Variants in MCUB observed in about 807,000 individuals in gnomAD.
MCUB encodes the protein calcium uniporter regulatory subunit MCUb, mitochondrial.
In MCUB, 46 loss-of-function variants were observed where a neutral mutation model predicts 41.4. That is an observed-to-expected ratio of 1.11 (90% CI 0.88 to 1.42). The LOEUF is 1.42. MCUB is among the 40% of genes most tolerant of loss of function. MCUB has a pLI of 0.00. For synonymous variants in MCUB, 148 were observed against 148.2 expected (o/e 1.00, Z 0.01); for missense variants, 403 against 404.9 (o/e 1.00, Z 0.04).
At chr4:109,603,627 C>T (rs796377664) in intron 1 of MCUB, among the ~76,000 whole-genome samples, 14 of 151,368 alleles carry the variant, frequency 9.2e-5, no homozygotes, top group African/African-American at 2.9e-4. Flanking sequence ...CGCCTCTGCC[C>T]GGCCACCACC....
At chr4:109,606,372 G>A (rs1032710446) in intron 1 of MCUB, among the ~76,000 whole-genome samples, 5 of 151,964 alleles carry the variant, frequency 3.3e-5, no homozygotes, top group Non-Finnish European at 7.4e-5. Context: ...GATAAGTAAG[G>A]ACCTACTCCT....
chr4:109,597,739 C>A (rs1288471053), intron 1 of MCUB, among the ~76,000 whole-genome samples: 2 of 144,696 alleles, frequency 1.4e-5, no homozygotes, highest in Non-Finnish European at 3.0e-5. Flanking sequence ...GGGGCTGACC[C>A]CCCCACCTCC....
chr4:109,598,707 C>T (rs1157295904), intron 1 of MCUB, among the ~76,000 whole-genome samples: 1 of 152,088 alleles, frequency 6.6e-6, no homozygotes, highest in Admixed American at 6.6e-5. Context: ...TTTCTTATTG[C>T]TGGTGAGGCC....
intron 1 of MCUB, among the ~76,000 whole-genome samples, chr4:109,654,785 A>G (rs1321512900): frequency 6.6e-6 from 1 of 152,204 alleles, no homozygotes; most frequent in African/African-American, 2.4e-5. Flanking sequence ...CATAATGCTC[A>G]TATGGGTTAC....
At chr4:109,634,249 G>A (rs1561234816) in intron 1 of MCUB, among the ~76,000 whole-genome samples, 1 of 151,930 alleles carries the variant, frequency 6.6e-6, no homozygotes, top group African/African-American at 2.4e-5. Flanking sequence ...TGGGGAGGCC[G>A]AGGTGGGTGG....
At chr4:109,615,570 G>A (rs1367648438) in intron 1 of MCUB, among the ~76,000 whole-genome samples, 1 of 151,764 alleles carries the variant, frequency 6.6e-6, no homozygotes, top group Non-Finnish European at 1.5e-5. Flanking sequence ...CCTACGCCCG[G>A]CTAATTTTTT....
intron 1 of MCUB, among the ~76,000 whole-genome samples, chr4:109,571,020 C>T (rs1192277033): frequency 1.3e-5 from 2 of 152,166 alleles, no homozygotes; most frequent in African/African-American, 4.8e-5. Flanking sequence ...TAGTGAGTTG[C>T]ATTTCCTATG....
chr4:109,654,639 C>G (rs1729048626), intron 1 of MCUB, among the ~76,000 whole-genome samples: 1 of 152,032 alleles, frequency 6.6e-6, no homozygotes, highest in African/African-American at 2.4e-5. Flanking sequence ...AATCATAGAT[C>G]AAGTTCTGAA....
intron 1 of MCUB, among the ~76,000 whole-genome samples, chr4:109,615,626 G>A (rs193180828): frequency 3.3e-5 from 5 of 152,008 alleles, no homozygotes; most frequent in Admixed American, 2.6e-4. Context: ...AGCCAGGATG[G>A]TCTCGAACTC....
At chr4:109,666,887 A>G (rs1729357573) in intron 4 of MCUB, among the ~76,000 whole-genome samples, 1 of 152,148 alleles carries the variant, frequency 6.6e-6, no homozygotes, top group Non-Finnish European at 1.5e-5. Flanking sequence ...GATATGATGG[A>G]TTACATGAAT....
intron 1 of MCUB, among the ~76,000 whole-genome samples, chr4:109,612,973 G>A (rs1282169795): frequency 3.3e-5 from 5 of 152,056 alleles, no homozygotes; most frequent in Non-Finnish European, 5.9e-5. Context: ...GGGTGTGGTG[G>A]CGGGCGTCTG....
At chr4:109,598,566 G>T (rs1214580262) in intron 1 of MCUB, among the ~76,000 whole-genome samples, 9 of 152,164 alleles carry the variant, frequency 5.9e-5, no homozygotes, top group African/African-American at 2.2e-4. Flanking sequence ...GCTTCGGCTG[G>T]GCATGAGAGG....
In MCUB at chr4:109,601,265, C is replaced by T. The variant is rs557215339; in HGVS notation, c.99+40829C>T. ...AAGCATTGATTCTTTGTGTTATAAA[C>T]AACCCAGTTATACTCTTTTAAATTA... On this transcript the variant is annotated intron_variant, in intron 1 of 7. Transcript: ENST00000394650. Among the ~76,000 whole-genome samples, 45 of 152,208 alleles carry T rather than the reference C, an allele frequency of 3.0e-4. No individual in the cohort carries two copies. In the East Asian group the frequency reaches 3.7e-3, roughly 12 times the overall value.
chr4:109,578,762 TC>T (rs1727095616), intron 1 of MCUB, among the ~76,000 whole-genome samples: 1 of 152,126 alleles, frequency 6.6e-6, no homozygotes. Flanking sequence ...TGCCTCGGCC[TC>T]CCAAAGAATC....
chr4:109,594,599 C>CCGGG (rs1727514052), intron 1 of MCUB, among the ~76,000 whole-genome samples: 1 of 151,898 alleles, frequency 6.6e-6, no homozygotes, highest in Non-Finnish European at 1.5e-5. Flanking sequence ...GCGGAGGTTG[C>CCGGG]AGTGAGCCAA....
At chr4:109,598,590 CAGA>C (rs1167567005) in intron 1 of MCUB, among the ~76,000 whole-genome samples, 1 of 134,458 alleles carries the variant, frequency 7.4e-6, no homozygotes, top group Non-Finnish European at 1.8e-5. Flanking sequence ...ACCGTGGAAA[CAGA>C]GGGAGAGGGA....
At chr4:109,644,218 A>G (rs1728783133) in intron 1 of MCUB, among the ~76,000 whole-genome samples, 1 of 152,186 alleles carries the variant, frequency 6.6e-6, no homozygotes, top group Non-Finnish European at 1.5e-5. Flanking sequence ...AGATTTTTTC[A>G]AGGAAAGTAA....
chr4:109,632,532 G>T (rs1026898444), intron 1 of MCUB, among the ~76,000 whole-genome samples: 2 of 151,836 alleles, frequency 1.3e-5, no homozygotes, highest in South Asian at 2.1e-4. Flanking sequence ...TCAGTGTCTC[G>T]AATGAGATTG....
chr4:109,568,173 C>T (rs1054517634), intron 1 of MCUB, among the ~76,000 whole-genome samples: 9 of 152,166 alleles, frequency 5.9e-5, no homozygotes, highest in Admixed American at 2.6e-4. Context: ...TAGTCTAATA[C>T]TCATTTCTGT....
Sources: allele counts gnomAD v4.1 joint callset (sites outside exome capture counted in the v4.1 genomes callset), GRCh38; gene constraint gnomAD v4.1.1; transcripts MANE v1.5; gene names NCBI Gene and HGNC (gene_info 2026-07-23, HGNC 2026-07-21).